The following OTOG variants were observed in gnomAD, a reference collection of about 807,000 sequenced individuals.
The protein encoded by OTOG is otogelin.
Under a neutral mutation model 313.8 loss-of-function variants are expected in OTOG, and 296 were observed. The ratio of observed to expected loss-of-function variants is 0.94; its 90% CI spans 0.86 to 1.04. The LOEUF (loss-of-function observed/expected upper bound fraction) is 1.04. OTOG is among the 50% of genes least tolerant of loss of function. The pLI, the probability that OTOG is intolerant of heterozygous loss-of-function variation, is 0.00. For synonymous variants in OTOG, 1,533 were observed against 1,554.9 expected (o/e 0.99, Z 0.33); for missense variants, 3,948 against 3,840.1 (o/e 1.03, Z -0.74).
intron 3 of OTOG, among the ~76,000 whole-genome samples, chr11:17,549,873 C>T (rs1851897740): frequency 6.6e-6 from 1 of 152,120 alleles, no homozygotes; most frequent in Non-Finnish European, 1.5e-5. Context: ...GACTGAGGCT[C>T]ATGTACCAGG....
At chr11:17,584,210 T>C (rs1209872689) in intron 23 of OTOG, among the ~76,000 whole-genome samples, 1 of 152,238 alleles carries the variant, frequency 6.6e-6, no homozygotes, top group African/African-American at 2.4e-5. Flanking sequence ...TTTGGGTAGA[T>C]TCTTTAGAAT....
Position 17,640,961 on chromosome 11 carries a change from G to C in OTOG, c.8060G>C (p.Gly2687Ala). The change falls in exon 51 of 56, where the codon GGC becomes GCC. Residue 2687 changes from glycine (G) to alanine (A), a missense_variant. Transcript: ENST00000399397. ...CGCGAGCTGGGTGTGATGCAGCCCG[G>C]CCAGACAGTGGTGGAGCTCTCAGCA... is the stretch of plus-strand genomic sequence containing the variant. ...LSRELGVMQPGQTVVELSADG... is the reference protein window; with the variant it reads ...LSRELGVMQPAQTVVELSADG... 1 of 1,548,330 alleles carries C rather than the reference G, an allele frequency of 6.5e-7. No homozygotes were observed. Among genetic ancestry groups the C allele is most frequent in the Non-Finnish European group, 8.7e-7 (1 of 1,146,970 alleles).
intron 23 of OTOG, 95 bp downstream of exon 23, chr11:17,578,621 C>T (rs1852594526): frequency 7.1e-7 from 1 of 1,407,770 alleles, no homozygotes; most frequent in Admixed American, 2.7e-5. Flanking sequence ...ATCACATGGC[C>T]TTGTAGGAAG....
In OTOG at chr11:17,570,276, G is replaced by A. The variant is rs982153650; in HGVS notation, c.1841G>A (p.Arg614Gln). 53 of 1,550,710 alleles carry A rather than the reference G, an allele frequency of 3.4e-5. No homozygotes were observed. The highest frequency in any genetic ancestry group is 7.3e-5 in the East Asian group (3 of 40,928). ...FLRVRTNVGV[R>Q]VLYDREGLRL... ...CGGGTGAGGACGAACGTGGGCGTGC[G>A]GGTGCTCTACGACCGTGAAGGGCTC... Residue 614 changes from arginine (R) to glutamine (Q), a missense_variant, in exon 17 of 56, where the codon CGG (arginine) becomes CAG (glutamine). Coordinates refer to ENST00000399397, the MANE Select transcript of OTOG (RefSeq NM_001292063.2).
intron 6 of OTOG, among the ~76,000 whole-genome samples, chr11:17,554,301 G>A (rs1852008946): frequency 6.6e-6 from 1 of 152,154 alleles, no homozygotes; most frequent in Admixed American, 6.5e-5. Context: ...GTTTTGGGTT[G>A]GTTTTCTCTA....
At chr11:17,645,685 A>G (rs938821342) in intron 55 of OTOG, 42 bp downstream of exon 55, 13 of 1,550,488 alleles carry the variant, frequency 8.4e-6, no homozygotes, top group Non-Finnish European at 1.0e-5. Context: ...AAAAAATGGG[A>G]TGGAGGGGGT....
intron 14 of OTOG, 25 bp from the exon 15 acceptor site, chr11:17,561,637 T>C: frequency 1.3e-6 from 2 of 1,550,440 alleles, no homozygotes; most frequent in South Asian, 2.4e-5. Context: ...CTCCCATGGG[T>C]CAGTGGCCTT....
chr11:17,552,063 T>C lies in OTOG; in HGVS notation c.280T>C (p.Cys94Arg), dbSNP rs1851948736. ...GGAAAGGCGGCTCCATCGGGCCAAG[T>C]GTGCACCATCCTGTAAGTGGCACCT... ...SWERRLHRAK[C>R]APSYLFSCFN... Residue 94 changes from cysteine (C) to arginine (R), a missense_variant, in exon 4 of 56, where the codon TGT (cysteine) becomes CGT (arginine). Coordinates refer to ENST00000399397, the MANE Select transcript of OTOG (RefSeq NM_001292063.2). 3 of 1,550,510 alleles carry C rather than the reference T, an allele frequency of 1.9e-6. No homozygotes were observed. Among genetic ancestry groups the C allele is most frequent in the Non-Finnish European group, 2.6e-6 (3 of 1,146,886 alleles).
Position 17,608,381 on chromosome 11 carries a change from C to A in OTOG, c.4242C>A (p.Asp1414Glu). ...GCCCCTGCTTCCAAACCTGCCGGGA[C>A]CCACGGGCAGCCAGCTGCCGGGACG... is the stretch of plus-strand genomic sequence containing the variant. ...CASPCFQTCR[D>E]PRAASCRDVP... The change falls in exon 34 of 56, where the codon GAC becomes GAA. Residue 1414 changes from aspartate (D) to glutamate (E), a missense_variant. Transcript: ENST00000399397. The A allele has an allele frequency of 6.5e-7, 1 of 1,546,324 alleles. No individual in the cohort carries two copies. Among genetic ancestry groups the A allele is most frequent in the East Asian group, 2.5e-5 (1 of 40,660 alleles).
chr11:17,576,407 T>TGGA (rs1176000921), intron 20 of OTOG, 149 bp from the exon 21 acceptor site: 5 of 670,716 alleles, frequency 7.5e-6, no homozygotes, highest in Non-Finnish European at 1.3e-5. Flanking sequence ...TTCTGCTCAC[T>TGGA]GGAGATGTGT....
At chr11:17,565,932 C>A (rs926631373) in intron 15 of OTOG, among the ~76,000 whole-genome samples, 3 of 152,136 alleles carry the variant, frequency 2.0e-5, no homozygotes, top group Admixed American at 6.5e-5. Flanking sequence ...TAGTATCATT[C>A]ATTTCTCCAA....
chr11:17,634,084 T>C lies in OTOG; in HGVS notation c.7283T>C (p.Met2428Thr), dbSNP rs1451035965. 4 of 1,546,322 alleles carry C rather than the reference T, an allele frequency of 2.6e-6. No homozygotes were observed. The East Asian group carries it at 9.8e-5, about 38-fold the overall frequency. ...PEAKCACTDS[M>T]GVPRALGETW... ...CCCTCTGCAGCCTGCACTGACAGCA[T>C]GGGGGTGCCGAGGGCCCTGGGGGAG... is the stretch of plus-strand genomic sequence containing the variant. The change falls in exon 44 of 56, where the codon ATG (methionine) becomes ACG (threonine). Residue 2428 changes from methionine (M) to threonine (T), a missense_variant. Transcript: ENST00000399397.
At chr11:17,576,727 C>T in intron 21 of OTOG, 97 bp downstream of exon 21, 4 of 1,453,140 alleles carry the variant, frequency 2.8e-6, no homozygotes, top group Non-Finnish European at 3.8e-6. Flanking sequence ...GAAGGGACAC[C>T]CAGCCCTGCT....
Position 17,576,897 on chromosome 11 carries a change from A to T in OTOG, c.2591A>T (p.Asp864Val). The T allele has an allele frequency of 6.4e-7, 1 of 1,550,490 alleles. No homozygotes were observed. The highest frequency in any genetic ancestry group is 8.7e-7 in the Non-Finnish European group (1 of 1,146,970). ...CHCKDGVMSC[D>V]SRAPAAACPA... ...TGCAAAGATGGAGTCATGAGCTGTG[A>T]TAGCAGAGCCCCAGGTAAGGGTGGG... The change falls in exon 22 of 56, where the codon GAT (aspartate) becomes GTT (valine). Residue 864 changes from aspartate (D) to valine (V), a missense_variant. Asp to Val is a radical substitution (Grantham distance 152). Coordinates refer to ENST00000399397, the MANE Select transcript of OTOG (RefSeq NM_001292063.2).
At chr11:17,636,901 GC>G (rs1428122119) in intron 47 of OTOG, among the ~76,000 whole-genome samples, 3 of 152,054 alleles carry the variant, frequency 2.0e-5, no homozygotes, top group Non-Finnish European at 2.9e-5. Flanking sequence ...GCTAGTATCT[GC>G]CTTGAGGGGC....
chr11:17,602,980 G>A (rs1181469189), intron 32 of OTOG, among the ~76,000 whole-genome samples: 8 of 152,222 alleles, frequency 5.3e-5, no homozygotes, highest in African/African-American at 1.7e-4. Context: ...TCCCCTAAGA[G>A]TAAGAAGGAG....
Position 17,633,778 on chromosome 11 carries a change from G to A in OTOG, c.7171G>A (p.Glu2391Lys), listed in dbSNP as rs1162373713. 1.3e-6 allele frequency: 2 copies of A among 1,550,406 alleles called. No individual in the cohort carries two copies. Among genetic ancestry groups the A allele is most frequent in the Non-Finnish European group, 1.7e-6 (2 of 1,146,986 alleles). ...TGGGATACTAGGGCCTCTGGACCCAGAGCACTGCCAGGTGCTGGGCGAGGG... is the reference window on the plus strand; with the variant it reads ...TGGGATACTAGGGCCTCTGGACCCAAAGCACTGCCAGGTGCTGGGCGAGGG... ...QDGILGPLDP[E>K]HCQVLGEGCV... The change falls in exon 43 of 56, where the codon GAG becomes AAG. Residue 2391 changes from glutamate to lysine, a missense_variant. Coordinates refer to ENST00000399397, the MANE Select transcript of OTOG (RefSeq NM_001292063.2).
chr11:17,578,354 C>CTCTTCTCTTCTCCGCT lies in OTOG; in HGVS notation c.2606-19_2606-18insTCTTCTCTTCTCCGCT. ...TACTGAGGCCCCAGGGCCTCCGCTC[C>CTCTTCTCTTCTCCGCT]CATCTTCTTCTCTTCCAGCTGCTGC... On this transcript the variant is annotated intron_variant, in intron 22 of 55. Coordinates refer to ENST00000399397, the MANE Select transcript of OTOG (RefSeq NM_001292063.2). 1.3e-6 allele frequency: 2 copies of CTCTTCTCTTCTCCGCT among 1,482,726 alleles called. No individual in the cohort carries two copies. Among genetic ancestry groups the CTCTTCTCTTCTCCGCT allele is most frequent in the South Asian group, 2.6e-5 (2 of 76,650 alleles). The allele number at this position is 1,482,726 out of a possible 1,614,324, so 91.8% of individuals were successfully genotyped here.
intron 15 of OTOG, among the ~76,000 whole-genome samples, chr11:17,566,444 G>A (rs944835879): frequency 6.6e-6 from 1 of 152,154 alleles, no homozygotes; most frequent in Non-Finnish European, 1.5e-5. Context: ...AGAGCCGACT[G>A]TATATGCATA....
Sources: gnomAD v4.1 joint callset for allele counts (sites outside exome capture counted in the v4.1 genomes callset) on GRCh38, gnomAD v4.1.1 for gene constraint, MANE v1.5 for transcripts, NCBI Gene and HGNC (gene_info 2026-07-23, HGNC 2026-07-21) for gene names.